Variants in FREM1 observed in about 807,000 individuals in gnomAD.
FREM1 encodes FRAS1 related extracellular matrix 1, also known as FRAS1-related extracellular matrix protein 1.
FREM1 carries 220 observed loss-of-function variants against 210.1 expected under a neutral mutation model. That is an observed-to-expected ratio of 1.05 (90% CI 0.94 to 1.17). FREM1 has a LOEUF of 1.17. Ranked by LOEUF, FREM1 falls within the 50% of genes most tolerant of loss-of-function variation. FREM1 has a pLI of 0.00. For synonymous variants in FREM1, 1,189 were observed against 980.2 expected (o/e 1.21, Z -3.98); for missense variants, 3,454 against 2,675.5 (o/e 1.29, Z -6.42).
chr9:14,816,836 T>C lies in FREM1; in HGVS notation c.2582A>G (p.Asp861Gly), dbSNP rs1409253028. ...QHDGTEVLQD[D>G]LLLEVTDGTN... ...GCCATCGGTGACCTCCAAGAGTAGG[T>C]CATCCTGAAGAACTTCAGTTCCATC... Residue 861 changes from aspartate to glycine, a missense_variant, in exon 15 of 37, where the codon GAC becomes GGC. Transcript: ENST00000380880. 2.1e-6 allele frequency: 3 copies of C among 1,442,386 alleles called. No homozygotes were observed. The highest frequency in any genetic ancestry group is 2.8e-6 in the Non-Finnish European group (3 of 1,068,436). 89.3% of individuals were successfully genotyped at this position (1,442,386 alleles called of 1,614,324 possible).
chr9:14,868,514 T>A (rs1327143203), intron 2 of FREM1, among the ~76,000 whole-genome samples: 1 of 152,230 alleles, frequency 6.6e-6, no homozygotes, highest in Non-Finnish European at 1.5e-5. Flanking sequence ...AGGCTTGTAA[T>A]CTGAAGTCAG....
intron 10 of FREM1, among the ~76,000 whole-genome samples, chr9:14,828,450 C>A (rs911247999): frequency 6.6e-6 from 1 of 151,870 alleles, no homozygotes; most frequent in African/African-American, 2.4e-5. Flanking sequence ...GCTCACAGCT[C>A]GAGGGGAAAT....
Position 14,823,328 on chromosome 9 carries a change from C to T in FREM1, c.2170-1G>A. ...CCACTTTCATATAGTTCACAGCATG[C>T]TGCAAAGTAAGTTGAGATGGATATG... On this transcript the variant is annotated splice_acceptor_variant, in intron 12 of 36. Coordinates refer to ENST00000380880, the MANE Select transcript of FREM1 (RefSeq NM_001379081.2). LOFTEE classifies it high-confidence loss of function. 6.2e-7 allele frequency: 1 copy of T among 1,611,672 alleles called. No individual in the cohort carries two copies. Among genetic ancestry groups the T allele is most frequent in the Non-Finnish European group, 8.5e-7 (1 of 1,178,494 alleles).
At chr9:14,794,212 G>T (rs1034497867) in intron 21 of FREM1, among the ~76,000 whole-genome samples, 25 of 152,172 alleles carry the variant, frequency 1.6e-4, no homozygotes, top group African/African-American at 5.5e-4. Context: ...CAGGAGGCAG[G>T]AGAGAGGGAG....
chr9:14,905,081 A>T (rs954529157), intron 1 of FREM1, among the ~76,000 whole-genome samples: 5 of 152,032 alleles, frequency 3.3e-5, no homozygotes, highest in Non-Finnish European at 7.4e-5. Flanking sequence ...TTTTGTCATT[A>T]TTCGCAGCCA....
chr9:14,837,792 A>G (rs949017940), intron 10 of FREM1, among the ~76,000 whole-genome samples: 7 of 152,204 alleles, frequency 4.6e-5, no homozygotes, highest in Non-Finnish European at 1.5e-5. Flanking sequence ...TATTTTGATA[A>G]CCGGATTTAA....
At chr9:14,862,401 A>T (rs567666248) in intron 3 of FREM1, among the ~76,000 whole-genome samples, 2 of 152,182 alleles carry the variant, frequency 1.3e-5, no homozygotes, top group Non-Finnish European at 2.9e-5. Flanking sequence ...AAAACCAAAT[A>T]AAAAACCCTA....
chr9:14,879,157 CAAA>C (rs78563904), intron 1 of FREM1, among the ~76,000 whole-genome samples: 6 of 104,416 alleles, frequency 5.7e-5, no homozygotes, highest in Non-Finnish European at 8.8e-5. Context: ...GATTCCGTCT[CAAA>C]AAAAAAAAAA....
intron 27 of FREM1, among the ~76,000 whole-genome samples, chr9:14,765,383 C>T (rs927094699): frequency 3.3e-5 from 5 of 152,122 alleles, no homozygotes; most frequent in Admixed American, 6.6e-5. Context: ...TGTGTGATTA[C>T]GGTCAGTTAC....
intron 10 of FREM1, 102 bp downstream of exon 10, chr9:14,841,345 T>G (rs768604208): frequency 3.1e-6 from 3 of 980,698 alleles, no homozygotes; most frequent in Non-Finnish European, 4.3e-6. Flanking sequence ...TTTTTCAAAT[T>G]TTAAACCTTG....
rs771230394 is a variant in FREM1, at chr9:14,770,716, A to G, written c.4948T>C (p.Tyr1650His). 1.2e-6 allele frequency: 2 copies of G among 1,613,498 alleles called. No homozygotes were observed. Among genetic ancestry groups the G allele is most frequent in the Non-Finnish European group, 1.7e-6 (2 of 1,179,546 alleles). ...GLLKNGCYGI[Y>H]ITSRVLKASD... The stretch of plus-strand genomic sequence containing the variant: ...GCCTTCAACACGCGGGAAGTGATGT[A>G]AATCCCGTAGCAGCCATTTTTCAGG... Residue 1650 changes from tyrosine to histidine, a missense_variant, in exon 26 of 37, where the codon TAC (tyrosine) becomes CAC (histidine). By Grantham distance (83) the Tyr-to-His change is moderately conservative (BLOSUM62 2). Transcript: ENST00000380880.
chr9:14,787,035 C>T (rs1850532193), intron 23 of FREM1, among the ~76,000 whole-genome samples: 1 of 152,158 alleles, frequency 6.6e-6, no homozygotes, highest in Admixed American at 6.5e-5. Flanking sequence ...TCCTCCTAAA[C>T]TTATCTGAAA....
At position 14,841,568 on chromosome 9, in the gene FREM1, A is replaced by C; in HGVS notation, c.1760T>G (p.Leu587Arg). 1 of 1,609,522 alleles carries C rather than the reference A, an allele frequency of 6.2e-7. No individual in the cohort carries two copies. The highest frequency in any genetic ancestry group is 8.5e-7 in the Non-Finnish European group (1 of 1,176,694). The change falls in exon 10 of 37, where the codon CTT (leucine) becomes CGT (arginine). Residue 587 changes from leucine (L) to arginine (R), a missense_variant. Coordinates refer to ENST00000380880, the MANE Select transcript of FREM1 (RefSeq NM_001379081.2). ...GLIGYPVHGF[L>R]QRDLFNGIIY... is the part of the protein sequence containing the mutation. Reference sequence around the variant, plus strand: ...GATTCCATTAAACAAATCCCTCTGAAGGAAGCCATGGACAGGATAGCCTAT... The same window carrying C: ...GATTCCATTAAACAAATCCCTCTGACGGAAGCCATGGACAGGATAGCCTAT...
intron 25 of FREM1, among the ~76,000 whole-genome samples, chr9:14,771,449 C>A (rs1409680195): frequency 6.6e-6 from 1 of 152,036 alleles, no homozygotes; most frequent in Non-Finnish European, 1.5e-5. Flanking sequence ...ACAGGTGGAC[C>A]AGATTTGTGA....
Position 14,756,465 on chromosome 9 carries a change from A to G in FREM1, c.5335-19T>C, listed in dbSNP as rs1844390258. ...GGTTGACCTTAGGAGGGAAAAAAAA[A>G]TCTTTTTAAGATAAAAATAAATATT... On this transcript the variant is annotated intron_variant, in intron 28 of 36. Coordinates refer to ENST00000380880, the MANE Select transcript of FREM1 (RefSeq NM_001379081.2). 1 of 1,548,742 alleles carries G rather than the reference A, an allele frequency of 6.5e-7. No individual in the cohort carries two copies. Among genetic ancestry groups the G allele is most frequent in the Non-Finnish European group, 8.8e-7 (1 of 1,140,088 alleles).
chr9:14,851,322 G>A lies in FREM1; in HGVS notation c.1114C>T (p.Pro372Ser). ...CTCTCAGAATGGCTGCTGTTTGGTG[G>A]CTGATAGGCGATCTGCATGTCACTG... ...DLSDMQIAYQ[P>S]PNSSHSERRH... is the part of the protein sequence containing the mutation. The change falls in exon 6 of 37, where the codon CCA (proline) becomes TCA (serine). Residue 372 changes from proline to serine, a missense_variant. Physicochemically the swap from Pro to Ser is moderately conservative, Grantham distance 74 (BLOSUM62 -1). Coordinates refer to ENST00000380880, the MANE Select transcript of FREM1 (RefSeq NM_001379081.2). 1 of 1,604,808 alleles carries A rather than the reference G, an allele frequency of 6.2e-7. No homozygotes were observed. The highest frequency in any genetic ancestry group is 8.5e-7 in the Non-Finnish European group (1 of 1,174,074).
At chr9:14,753,399 A>G (rs973591305) in intron 29 of FREM1, among the ~76,000 whole-genome samples, 2 of 152,228 alleles carry the variant, frequency 1.3e-5, no homozygotes, top group Non-Finnish European at 2.9e-5. Context: ...CCTTTCAATA[A>G]TGCATATTTT....
chr9:14,848,756 G>C lies in FREM1; in HGVS notation c.1170C>G (p.Tyr390Ter), dbSNP rs754342427. 6.2e-7 allele frequency: 1 copy of C among 1,608,658 alleles called. No homozygotes were observed. The highest frequency in any genetic ancestry group is 8.5e-7 in the Non-Finnish European group (1 of 1,175,230). Residue 390 changes from tyrosine to a stop codon, truncating the protein, a stop_gained, in exon 7 of 37, where the codon TAC becomes TAG. Coordinates refer to ENST00000380880, the MANE Select transcript of FREM1 (RefSeq NM_001379081.2). LOFTEE classifies it high-confidence loss of function. Reference sequence around the variant, plus strand: ...GTGCACTCCTTTCAAAGAAGAAGTCGTATACCTCCAATTCTACCTGTAAAC... The same window carrying C: ...GTGCACTCCTTTCAAAGAAGAAGTCCTATACCTCCAATTCTACCTGTAAAC... ...RRHDEVELEV[Y>*]DFFFERSAPM...
At chr9:14,872,351 T>G (rs980451141) in intron 1 of FREM1, among the ~76,000 whole-genome samples, 2 of 152,132 alleles carry the variant, frequency 1.3e-5, no homozygotes, top group Non-Finnish European at 2.9e-5. Flanking sequence ...CATTGAGCAG[T>G]GGTTTGTAGT....
Sources: allele counts gnomAD v4.1 joint callset (sites outside exome capture counted in the v4.1 genomes callset), GRCh38; gene constraint gnomAD v4.1.1; transcripts MANE v1.5; gene names NCBI Gene and HGNC (gene_info 2026-07-23, HGNC 2026-07-21).